Variants in ME1 observed in about 807,000 individuals in gnomAD.
The protein encoded by ME1 is malic enzyme 1.
Under a neutral mutation model 66.4 loss-of-function variants are expected in ME1, and 74 were observed. The ratio of observed to expected loss-of-function variants is 1.11; its 90% CI spans 0.92 to 1.35. The LOEUF is 1.35. ME1 is among the 40% of genes most tolerant of loss of function. ME1 has a pLI of 0.00. For synonymous variants in ME1, 251 were observed against 235.6 expected (o/e 1.07, Z -0.60); for missense variants, 750 against 694.1 (o/e 1.08, Z -0.90).
chr6:83,327,541 A>G (rs1768321534), intron 5 of ME1, among the ~76,000 whole-genome samples: 1 of 152,176 alleles, frequency 6.6e-6, no homozygotes, highest in Non-Finnish European at 1.5e-5. Flanking sequence ...TCTCAGGCTT[A>G]TTAGGAAGAG....
intron 3 of ME1, among the ~76,000 whole-genome samples, chr6:83,364,705 G>C (rs1769067127): frequency 6.6e-6 from 1 of 151,790 alleles, no homozygotes; most frequent in South Asian, 2.1e-4. Context: ...GAATATGTGG[G>C]TATATACATA....
intron 5 of ME1, among the ~76,000 whole-genome samples, chr6:83,344,676 G>A (rs2128543599): frequency 6.6e-6 from 1 of 152,116 alleles, no homozygotes; most frequent in Middle Eastern, 3.4e-3. Context: ...AAGGTCAGGA[G>A]ATCGAGACCA....
At chr6:83,248,407 G>A (rs2128527405) in intron 7 of ME1, among the ~76,000 whole-genome samples, 1 of 152,156 alleles carries the variant, frequency 6.6e-6, no homozygotes, top group Admixed American at 6.5e-5. Context: ...TAAAAACACT[G>A]GTCTACAAAG....
At chr6:83,409,324 A>T (rs1770003410) in intron 1 of ME1, among the ~76,000 whole-genome samples, 1 of 152,208 alleles carries the variant, frequency 6.6e-6, no homozygotes, top group South Asian at 2.1e-4. Context: ...TGTGTTCATT[A>T]ACTTTGCACT....
intron 13 of ME1, 51 bp from the exon 14 acceptor site, chr6:83,212,145 G>C (rs1259673189): frequency 7.6e-7 from 1 of 1,311,460 alleles, no homozygotes; most frequent in Non-Finnish European, 1.0e-6. Context: ...AGGTAATCAT[G>C]AGCCCATGTG....
At chr6:83,406,010 C>T (rs200838160) in intron 2 of ME1, among the ~76,000 whole-genome samples, 10 of 152,240 alleles carry the variant, frequency 6.6e-5, no homozygotes, top group East Asian at 3.9e-4. Flanking sequence ...CGTGAGCCAC[C>T]GCACCCGGCC....
At chr6:83,284,373 C>A (rs1452706351) in intron 6 of ME1, among the ~76,000 whole-genome samples, 1 of 152,054 alleles carries the variant, frequency 6.6e-6, no homozygotes, top group Non-Finnish European at 1.5e-5. Context: ...GGAGGAGGGA[C>A]TCCTCCCTAA....
intron 6 of ME1, among the ~76,000 whole-genome samples, chr6:83,290,832 T>C (rs979555888): frequency 6.6e-5 from 10 of 152,238 alleles, no homozygotes; most frequent in African/African-American, 2.4e-4. Flanking sequence ...ATATTTAGGA[T>C]AGTTAGCTCT....
chr6:83,299,426 C>A (rs749442519), intron 6 of ME1, among the ~76,000 whole-genome samples: 1 of 151,944 alleles, frequency 6.6e-6, no homozygotes, highest in Non-Finnish European at 1.5e-5. Context: ...TATAGGAATG[C>A]TTGTGAATTT....
At position 83,281,123 on chromosome 6, in the gene ME1, T is replaced by A. The variant is rs566355889; in HGVS notation, c.705-27385A>T. 1.3e-4 allele frequency among the ~76,000 whole-genome samples: 20 copies of A among 152,340 alleles called. No individual in the cohort carries two copies. In the South Asian group the frequency reaches 4.1e-3, roughly 32 times the overall value. On this transcript the variant is annotated intron_variant, in intron 6 of 13. Transcript: ENST00000369705. Reference sequence around the variant, plus strand: ...AAGGTGTTTAGAATAGCTATACAAGTCTTTGAAAATAAACCATTCCCTTGT... The same window carrying A: ...AAGGTGTTTAGAATAGCTATACAAGACTTTGAAAATAAACCATTCCCTTGT...
chr6:83,227,361 C>T lies in ME1; in HGVS notation c.1249G>A (p.Ala417Thr), dbSNP rs943366325. ...SNPTSKAECS[A>T]EQCYKITKGR... ...TTGGTTATTTTGTAGCACTGCTCTGCAGAACATTCTGCTTTGCTAGTTGGA... is the reference window on the plus strand; with the variant it reads ...TTGGTTATTTTGTAGCACTGCTCTGTAGAACATTCTGCTTTGCTAGTTGGA... The change falls in exon 11 of 14, where the codon GCA (alanine) becomes ACA (threonine). Residue 417 changes from alanine to threonine, a missense_variant. Physicochemically the swap from Ala to Thr is moderately conservative, Grantham distance 58. Transcript: ENST00000369705. 14 of 1,592,454 alleles carry T rather than the reference C, an allele frequency of 8.8e-6. No individual in the cohort carries two copies. The highest frequency in any genetic ancestry group is 1.2e-5 in the Non-Finnish European group (14 of 1,166,498).
rs570257621 is a variant in ME1 at position 83,243,111 on chromosome 6, T to C, written c.815-3475A>G. ...ATCTCTACCCCCCAAAAATTTTTTTTTTAAATTAGCTGGGTGTGATGGTAC... is the reference window on the plus strand; with the variant it reads ...ATCTCTACCCCCCAAAAATTTTTTTCTTAAATTAGCTGGGTGTGATGGTAC... On this transcript the variant is annotated intron_variant, in intron 7 of 13. Coordinates refer to ENST00000369705, the MANE Select transcript of ME1 (RefSeq NM_002395.6). 1.2e-4 allele frequency among the ~76,000 whole-genome samples: 18 copies of C among 151,210 alleles called. 1 individual carries two copies. The South Asian group carries it at 3.8e-3, about 32-fold the overall frequency.
At position 83,352,147 on chromosome 6, in the gene ME1, A is replaced by T; in HGVS notation, c.363-8T>A. The T allele has an allele frequency of 7.0e-6, 6 of 855,262 alleles. No homozygotes were observed. The highest frequency in any genetic ancestry group is 6.4e-5 in the Admixed American group (1 of 15,682). The allele number at this position is 855,262 out of a possible 1,614,324, so 53.0% of individuals were successfully genotyped here. ...ATAGTAATAAAGAGACCTCTGCAGA[A>T]AAAAAAAAAAAAAAAGGAGTAGTTT... On this transcript the variant is annotated splice_region_variant and splice_polypyrimidine_tract_variant and intron_variant, in intron 3 of 13. Coordinates refer to ENST00000369705, the MANE Select transcript of ME1 (RefSeq NM_002395.6).
At chr6:83,284,350 CA>C (rs1313592734) in intron 6 of ME1, among the ~76,000 whole-genome samples, 2 of 151,616 alleles carry the variant, frequency 1.3e-5, no homozygotes, top group Non-Finnish European at 2.9e-5. Flanking sequence ...GAAATTACCC[CA>C]AAAAAAATCA....
rs939696206 is a variant in ME1, at chr6:83,392,618, T to C, written c.362+5749A>G. On this transcript the variant is annotated intron_variant, in intron 3 of 13. Transcript: ENST00000369705. Reference sequence around the variant, plus strand: ...GTCAAGGCTGAGAACGGGAAGCTTGTTATCAATGGAAATCTCATCACTATT... The same window carrying C: ...GTCAAGGCTGAGAACGGGAAGCTTGCTATCAATGGAAATCTCATCACTATT... 1.4e-5 allele frequency: 8 copies of C among 577,718 alleles called. No individual in the cohort carries two copies. The African/African-American group carries it at 1.5e-4, about 11-fold the overall frequency. 35.8% of individuals were successfully genotyped at this position (577,718 alleles called of 1,614,324 possible).
At chr6:83,396,410 TTTAACCAAAG>T (rs1390185069) in intron 3 of ME1, among the ~76,000 whole-genome samples, 1 of 151,976 alleles carries the variant, frequency 6.6e-6, no homozygotes, top group African/African-American at 2.4e-5. Flanking sequence ...TAGGAATAAA[TTTAACCAAAG>T]AGGTGAAATA....
intron 6 of ME1, among the ~76,000 whole-genome samples, chr6:83,309,736 C>G (rs1767896116): frequency 6.6e-6 from 1 of 151,916 alleles, no homozygotes; most frequent in African/African-American, 2.4e-5. Flanking sequence ...AGATTAATAG[C>G]AAAAAGAAAA....
At chr6:83,344,889 T>C (rs188417499) in intron 5 of ME1, among the ~76,000 whole-genome samples, 3 of 151,342 alleles carry the variant, frequency 2.0e-5, no homozygotes, top group Non-Finnish European at 4.4e-5. Flanking sequence ...CAAAAAAAAA[T>C]AAAATAAAAT....
intron 1 of ME1, among the ~76,000 whole-genome samples, chr6:83,411,370 A>G (rs539847472): frequency 1.4e-4 from 21 of 152,268 alleles, no homozygotes; most frequent in African/African-American, 4.6e-4. Flanking sequence ...TCTCAAGAAA[A>G]AAAAAAAAAC....
Sources: gnomAD v4.1 joint callset for allele counts (sites outside exome capture counted in the v4.1 genomes callset) on GRCh38, gnomAD v4.1.1 for gene constraint, MANE v1.5 for transcripts, NCBI Gene and HGNC (gene_info 2026-07-23, HGNC 2026-07-21) for gene names.